Variants in TMEM132C observed in about 807,000 individuals in gnomAD.
TMEM132C encodes transmembrane protein 132C.
TMEM132C carries 29 observed loss-of-function variants against 61.4 expected under a neutral mutation model. The ratio of observed to expected loss-of-function variants is 0.47; its 90% CI spans 0.35 to 0.64. The LOEUF (loss-of-function observed/expected upper bound fraction) is 0.64. Among genes scored for constraint, TMEM132C ranks in the 30% least tolerant of loss-of-function variants. The pLI, the probability that TMEM132C is intolerant of heterozygous loss-of-function variation, is 0.00. For missense variants in TMEM132C, 1,408 were observed against 1,476.9 expected, an observed-to-expected ratio of 0.95 and a Z score of 0.76; for synonymous variants, 656 against 633.1, an observed-to-expected ratio of 1.04 and a Z score of -0.54.
intron 3 of TMEM132C, among the ~76,000 whole-genome samples, chr12:128,562,728 C>A (rs1290976438): frequency 6.6e-6 from 1 of 152,168 alleles, no homozygotes; most frequent in East Asian, 1.9e-4. Context: ...ACAGTGGTCA[C>A]CCCTGTAACC....
chr12:128,491,584 T>G (rs1472628232), intron 2 of TMEM132C, among the ~76,000 whole-genome samples: 2 of 152,160 alleles, frequency 1.3e-5, no homozygotes, highest in African/African-American at 4.8e-5. Context: ...CACTCAGGGC[T>G]TTTTCAGCGT....
chr12:128,414,947 C>T lies in TMEM132C; in HGVS notation c.301C>T (p.Pro101Ser). The T allele has an allele frequency of 6.4e-7, 1 of 1,551,762 alleles. No homozygotes were observed. The highest frequency in any genetic ancestry group is 8.7e-7 in the Non-Finnish European group (1 of 1,147,030). ...QPPVLNASYG[P>S]FSVEKVVPLD... ...CCCAGTGCTCAATGCCAGCTATGGACCCTTTTCTGTGGAGAAGGTTGTGCC... is the reference window on the plus strand; with the variant it reads ...CCCAGTGCTCAATGCCAGCTATGGATCCTTTTCTGTGGAGAAGGTTGTGCC... Residue 101 changes from proline to serine, a missense_variant, in exon 2 of 9, where the codon CCC becomes TCC. Coordinates refer to ENST00000435159, the MANE Select transcript of TMEM132C (RefSeq NM_001136103.3).
intron 1 of TMEM132C, among the ~76,000 whole-genome samples, chr12:128,323,629 G>A (rs561257161): frequency 6.6e-6 from 1 of 152,348 alleles, no homozygotes; most frequent in South Asian, 2.1e-4. Context: ...CCAGGCTCCA[G>A]ATAGAATCTA....
intron 1 of TMEM132C, among the ~76,000 whole-genome samples, chr12:128,325,887 C>G (rs143301291): frequency 2.0e-5 from 3 of 152,014 alleles, no homozygotes; most frequent in Non-Finnish European, 4.4e-5. Flanking sequence ...GGACAGCTAG[C>G]AGTTTCCTTG....
intron 2 of TMEM132C, among the ~76,000 whole-genome samples, chr12:128,472,456 G>T (rs567558664): frequency 6.6e-6 from 1 of 152,342 alleles, no homozygotes; most frequent in South Asian, 2.1e-4. Context: ...GGGAGCCTTA[G>T]TAGGCCATTA....
intron 3 of TMEM132C, among the ~76,000 whole-genome samples, chr12:128,610,281 G>A (rs73428423): frequency 0.029 from 4,436 of 152,108 alleles, 197 homozygotes; most frequent in African/African-American, 0.1. Context: ...TTCTTTCTGC[G>A]GGCACTAAGC....
At chr12:128,519,810 G>A (rs542857897) in intron 2 of TMEM132C, among the ~76,000 whole-genome samples, 11 of 152,308 alleles carry the variant, frequency 7.2e-5, no homozygotes, top group Non-Finnish European at 1.3e-4. Context: ...GAGACCCCTC[G>A]AGAGTCTGCC....
At chr12:128,433,725 AG>A (rs1250843071) in intron 2 of TMEM132C, among the ~76,000 whole-genome samples, 1 of 152,208 alleles carries the variant, frequency 6.6e-6, no homozygotes, top group African/African-American at 2.4e-5. Context: ...TCAGAAAGGA[AG>A]GCAATGGATT....
intron 4 of TMEM132C, among the ~76,000 whole-genome samples, chr12:128,662,680 G>T (rs1954403858): frequency 6.6e-6 from 1 of 152,150 alleles, no homozygotes; most frequent in Non-Finnish European, 1.5e-5. Flanking sequence ...CATGGGTTTG[G>T]GGTAGCGGTG....
At chr12:128,456,122 C>G (rs1870330728) in intron 2 of TMEM132C, among the ~76,000 whole-genome samples, 1 of 152,022 alleles carries the variant, frequency 6.6e-6, no homozygotes, top group South Asian at 2.1e-4. Flanking sequence ...GACATCTGCC[C>G]TGCACCAGAG....
At chr12:128,281,659 G>A (rs1331759618) in intron 1 of TMEM132C, among the ~76,000 whole-genome samples, 2 of 152,188 alleles carry the variant, frequency 1.3e-5, no homozygotes, top group African/African-American at 4.8e-5. Context: ...TCCATGGGGG[G>A]CTGACTAGTG....
chr12:128,447,680 T>TAGACGTATG (rs1273450645), intron 2 of TMEM132C, among the ~76,000 whole-genome samples: 1 of 148,192 alleles, frequency 6.7e-6, no homozygotes, highest in African/African-American at 2.5e-5. Context: ...ACCACACTCC[T>TAGACGTATG]AGACGTATGA....
intron 4 of TMEM132C, among the ~76,000 whole-genome samples, chr12:128,624,613 CTG>C (rs1485558429): frequency 1.4e-5 from 2 of 147,340 alleles, no homozygotes; most frequent in Non-Finnish European, 3.0e-5. Flanking sequence ...CGAGAACTAA[CTG>C]TACTCAGAAA....
intron 2 of TMEM132C, among the ~76,000 whole-genome samples, chr12:128,487,470 G>T (rs1871538053): frequency 1.2e-4 from 1 of 8,618 alleles, no homozygotes; most frequent in Admixed American, 2.4e-3. Context: ...TATAAATTGT[G>T]TGCGTGTGTG....
intron 3 of TMEM132C, among the ~76,000 whole-genome samples, chr12:128,565,793 T>C (rs1186734380): frequency 6.6e-6 from 1 of 152,036 alleles, no homozygotes; most frequent in Non-Finnish European, 1.5e-5. Context: ...GGGATCCCTT[T>C]TTCCAAAATT....
intron 3 of TMEM132C, among the ~76,000 whole-genome samples, chr12:128,582,447 C>G (rs1004462926): frequency 6.8e-6 from 1 of 146,284 alleles, no homozygotes; most frequent in Non-Finnish European, 1.5e-5. Context: ...CAGGGTCTCA[C>G]TCTGTCACCC....
chr12:128,446,072 C>A (rs1454834487), intron 2 of TMEM132C, among the ~76,000 whole-genome samples: 2 of 152,198 alleles, frequency 1.3e-5, no homozygotes, highest in African/African-American at 4.8e-5. Context: ...TGAGACTTGT[C>A]AGTATTTGGA....
intron 1 of TMEM132C, among the ~76,000 whole-genome samples, chr12:128,285,349 A>G (rs975511282): frequency 3.9e-5 from 6 of 152,228 alleles, no homozygotes; most frequent in Admixed American, 1.3e-4. Context: ...ATGCATATGT[A>G]CAATTATTGT....
chr12:128,489,800 T>C (rs1007033777), intron 2 of TMEM132C, among the ~76,000 whole-genome samples: 2 of 152,120 alleles, frequency 1.3e-5, no homozygotes, highest in East Asian at 3.9e-4. Flanking sequence ...ATGTGAAATA[T>C]TTGTTTCATG....
Sources: gnomAD v4.1 joint callset for allele counts (sites outside exome capture counted in the v4.1 genomes callset) on GRCh38, gnomAD v4.1.1 for gene constraint, MANE v1.5 for transcripts, NCBI Gene and HGNC (gene_info 2026-07-23, HGNC 2026-07-21) for gene names.